Variants in GRIN2A observed in about 807,000 individuals in gnomAD.
GRIN2A encodes glutamate receptor ionotropic, NMDA 2A.
Under a neutral mutation model 113.4 loss-of-function variants are expected in GRIN2A, and 22 were observed. The observed-to-expected ratio is 0.19, with a 90% CI of 0.14 to 0.28. The LOEUF is 0.28. GRIN2A is among the 10% of genes least tolerant of loss of function. GRIN2A has a pLI of 1.00. For missense variants in GRIN2A, 1,502 were observed against 1,887.0 expected (o/e 0.80, Z 3.78); for synonymous variants, 827 against 738.4 (o/e 1.12, Z -1.94).
intron 4 of GRIN2A, among the ~76,000 whole-genome samples, chr16:9,851,528 A>G (rs1213002650): frequency 1.3e-5 from 2 of 152,252 alleles, no homozygotes; most frequent in South Asian, 4.1e-4. Flanking sequence ...CATAGATCAA[A>G]CCAAAAATAC....
chr16:10,112,973 G>A, intron 2 of GRIN2A: 1 of 348,154 alleles, frequency 2.9e-6, no homozygotes, highest in Non-Finnish European at 5.6e-6. Flanking sequence ...GTGGTCCACA[G>A]ATTTGCACTA....
At chr16:10,112,590 A>C (rs2048639584) in intron 2 of GRIN2A, 1 of 769,864 alleles carries the variant, frequency 1.3e-6, no homozygotes, top group Non-Finnish European at 2.4e-6. Context: ...CTTCTCAGAC[A>C]GGGTGCAGCT....
chr16:10,090,886 C>T (rs2142080964), intron 2 of GRIN2A, among the ~76,000 whole-genome samples: 1 of 152,106 alleles, frequency 6.6e-6, no homozygotes, highest in Non-Finnish European at 1.5e-5. Flanking sequence ...ACTCTATACT[C>T]AATAGTTATT....
At chr16:10,157,917 G>A (rs555583306) in intron 2 of GRIN2A, among the ~76,000 whole-genome samples, 55 of 152,136 alleles carry the variant, frequency 3.6e-4, no homozygotes, top group Admixed American at 1.4e-3. Flanking sequence ...TTAGTTTGCT[G>A]TTATCTTCTG....
intron 2 of GRIN2A, among the ~76,000 whole-genome samples, chr16:10,108,251 G>A (rs2048535221): frequency 6.6e-6 from 1 of 152,216 alleles, no homozygotes; most frequent in Non-Finnish European, 1.5e-5. Context: ...GATGGCAGCA[G>A]GCAAAGACAG....
chr16:9,849,937 G>C lies in GRIN2A; in HGVS notation c.1147C>G (p.Leu383Val). 1 of 1,614,022 alleles carries C rather than the reference G, an allele frequency of 6.2e-7. No homozygotes were observed. The highest frequency in any genetic ancestry group is 8.5e-7 in the Non-Finnish European group (1 of 1,179,920). The change falls in exon 5 of 13, where the codon CTG (leucine) becomes GTG (valine). Residue 383 changes from leucine to valine, a missense_variant. Leu to Val is a conservative substitution (Grantham distance 32). Coordinates refer to ENST00000330684, the MANE Select transcript of GRIN2A (RefSeq NM_001134407.3). ...EKVGKWENHT[L>V]SLRHAVWPRY... ...GGCCACACGGCGTGCCTCAGGCTCA[G>C]CGTATGGTTCTCCCACTTGCCCACC...
intron 2 of GRIN2A, among the ~76,000 whole-genome samples, chr16:10,080,235 G>A (rs1309325574): frequency 6.6e-6 from 1 of 152,144 alleles, no homozygotes; most frequent in African/African-American, 2.4e-5. Context: ...TCACTCCCAA[G>A]GCAGTCATCA....
At chr16:10,132,340 C>CAGAAAAAAAAA (rs2049081992) in intron 2 of GRIN2A, among the ~76,000 whole-genome samples, 1 of 61,630 alleles carries the variant, frequency 1.6e-5, no homozygotes, top group Non-Finnish European at 3.1e-5. Context: ...GACACCGTCT[C>CAGAAAAAAAAA]AAAAAAAAAA....
At chr16:9,974,776 A>C (rs149956036) in intron 2 of GRIN2A, among the ~76,000 whole-genome samples, 107 of 152,334 alleles carry the variant, frequency 7.0e-4, no homozygotes, top group African/African-American at 2.5e-3. Flanking sequence ...AATCACTTTA[A>C]AAATGCAAAT....
chr16:10,085,034 G>C (rs985148451), intron 2 of GRIN2A, among the ~76,000 whole-genome samples: 1 of 152,166 alleles, frequency 6.6e-6, no homozygotes, highest in Non-Finnish European at 1.5e-5. Context: ...AACTCCCTGA[G>C]CTAGGTACTG....
chr16:9,899,440 CAAAAAAAAAAAAAA>C (rs71157791), intron 3 of GRIN2A, among the ~76,000 whole-genome samples: 3 of 6,208 alleles, frequency 4.8e-4, no homozygotes, highest in Non-Finnish European at 1.0e-3. Context: ...AACTCCGTCT[CAAAAAAAAAAAAAA>C]AAAAAAAAAA....
chr16:9,865,354 T>G (rs924083528), intron 4 of GRIN2A, among the ~76,000 whole-genome samples: 1 of 152,138 alleles, frequency 6.6e-6, no homozygotes, highest in African/African-American at 2.4e-5. Flanking sequence ...ATCAACAATT[T>G]GAGAGCCCTA....
rs1219972496 is a variant in GRIN2A, at chr16:9,849,935, C to T, written c.1149G>A (p.Leu383=). 3.7e-6 allele frequency: 6 copies of T among 1,614,034 alleles called. No individual in the cohort carries two copies. The highest frequency in any genetic ancestry group is 5.1e-6 in the Non-Finnish European group (6 of 1,179,952). Residue 383 remains leucine (L), a synonymous_variant, in exon 5 of 13, where the codon CTG becomes CTA. Coordinates refer to ENST00000330684, the MANE Select transcript of GRIN2A (RefSeq NM_001134407.3). ...EKVGKWENHT[L]SLRHAVWPRY... ...TGGGCCACACGGCGTGCCTCAGGCT[C>T]AGCGTATGGTTCTCCCACTTGCCCA... is the stretch of plus-strand genomic sequence containing the variant.
rs867060541 is a variant in GRIN2A at position 9,955,015 on chromosome 16, A to G, written c.415-16464T>C. ...TGGGATCAGACTGTACTTATTCTACAGACTGTCTGAAGTTGGGGATGAGTT... is the reference window on the plus strand; with the variant it reads ...TGGGATCAGACTGTACTTATTCTACGGACTGTCTGAAGTTGGGGATGAGTT... On this transcript the variant is annotated intron_variant, in intron 2 of 12. Coordinates refer to ENST00000330684, the MANE Select transcript of GRIN2A (RefSeq NM_001134407.3). 4.6e-5 allele frequency among the ~76,000 whole-genome samples: 7 copies of G among 152,296 alleles called. No homozygotes were observed. In the Middle Eastern group the frequency reaches 0.017, roughly 370 times the overall value.
At chr16:10,139,818 G>C (rs982175210) in intron 2 of GRIN2A, among the ~76,000 whole-genome samples, 4 of 141,396 alleles carry the variant, frequency 2.8e-5, no homozygotes, top group African/African-American at 1.0e-4. Context: ...GCAGAACCCA[G>C]AGAGATGAGA....
At chr16:9,900,048 C>G (rs1292963693) in intron 3 of GRIN2A, among the ~76,000 whole-genome samples, 1 of 152,200 alleles carries the variant, frequency 6.6e-6, no homozygotes, top group African/African-American at 2.4e-5. Flanking sequence ...TAATGAGATA[C>G]ACAACGTGAT....
At position 9,909,573 on chromosome 16, in the gene GRIN2A, C is replaced by G. The variant is rs1030001562; in HGVS notation, c.1008-18473G>C. 3.3e-5 allele frequency among the ~76,000 whole-genome samples: 5 copies of G among 152,144 alleles called. No homozygotes were observed. The East Asian group carries it at 9.6e-4, about 29-fold the overall frequency. On this transcript the variant is annotated intron_variant, in intron 3 of 12. Transcript: ENST00000330684. ...ATAGCCACATATGGCTAGTGGCTGGCTGTCATATCAGATAGCTTAAGTACA... is the reference window on the plus strand; with the variant it reads ...ATAGCCACATATGGCTAGTGGCTGGGTGTCATATCAGATAGCTTAAGTACA...
intron 2 of GRIN2A, among the ~76,000 whole-genome samples, chr16:10,135,054 C>T (rs1177922396): frequency 1.2e-4 from 19 of 152,206 alleles, no homozygotes. Flanking sequence ...GTCATCAAAT[C>T]TTGCTTTCTT....
intron 2 of GRIN2A, among the ~76,000 whole-genome samples, chr16:10,020,290 G>A (rs2046695017): frequency 6.6e-6 from 1 of 152,152 alleles, no homozygotes; most frequent in African/African-American, 2.4e-5. Context: ...TGGGGCAGGT[G>A]CCTGTAGTCC....
Sources: gnomAD v4.1 joint callset for allele counts (sites outside exome capture counted in the v4.1 genomes callset) on GRCh38, gnomAD v4.1.1 for gene constraint, MANE v1.5 for transcripts, NCBI Gene and HGNC (gene_info 2026-07-23, HGNC 2026-07-21) for gene names.